The following FBN1 variants were observed in gnomAD, a reference collection of about 807,000 sequenced individuals.
The protein encoded by FBN1 is fibrillin 1.
A neutral mutation model predicts 365.1 loss-of-function variants in FBN1; 29 were observed. The observed-to-expected ratio is 0.08, with a 90% CI of 0.06 to 0.11. The LOEUF is 0.11. Among genes scored for constraint, FBN1 ranks in the 10% least tolerant of loss-of-function variants. The probability of loss-of-function intolerance (pLI) is 1.00; values close to 1 mark genes in which losing one functional copy is unlikely to be tolerated. For synonymous variants in FBN1, 1,210 were observed against 1,270.5 expected, an observed-to-expected ratio of 0.95 and a Z score of 1.01; for missense variants, 2,476 against 3,703.2, an observed-to-expected ratio of 0.67 and a Z score of 8.60.
chr15:48,529,260 G>A (rs1375265706), intron 8 of FBN1: 1 of 152,348 alleles, frequency 6.6e-6, no homozygotes, highest in Non-Finnish European at 1.5e-5. Context: ...GGGAGTAGCT[G>A]TCCCATGGTA....
chr15:48,515,489 C>T lies in FBN1; in HGVS notation c.1366G>A (p.Val456Ile), dbSNP rs2043793382. ...PVNVTDYCQL[V>I]RYLCQNGRCI... Reference sequence around the variant, plus strand: ...CGTCCATTTTGACAGAGATAGCGGACCAACTGGCAGTAATCAGTAACGTTT... The same window carrying T: ...CGTCCATTTTGACAGAGATAGCGGATCAACTGGCAGTAATCAGTAACGTTT... Residue 456 changes from valine to isoleucine, a missense_variant, in exon 12 of 66, where the codon GTC becomes ATC. Physicochemically the swap from Val to Ile is conservative, Grantham distance 29 (BLOSUM62 3). Transcript: ENST00000316623. 1 of 1,613,902 alleles carries T rather than the reference C, an allele frequency of 6.2e-7. No individual in the cohort carries two copies. The highest frequency in any genetic ancestry group is 1.7e-5 in the Admixed American group (1 of 59,994).
chr15:48,439,246 C>A (rs952737868), intron 50 of FBN1, among the ~76,000 whole-genome samples: 2 of 152,196 alleles, frequency 1.3e-5, no homozygotes, highest in Admixed American at 6.5e-5. Context: ...CCTGCTCAAC[C>A]TTTCATGGCT....
At chr15:48,433,095 T>C (rs1328279057) in intron 54 of FBN1, 107 bp from the exon 55 acceptor site, 3 of 1,208,612 alleles carry the variant, frequency 2.5e-6, no homozygotes, top group Non-Finnish European at 3.6e-6. Flanking sequence ...CAATGCTTCA[T>C]TGTCATAAAC....
intron 10 of FBN1, among the ~76,000 whole-genome samples, chr15:48,519,655 G>A (rs1037158290): frequency 3.5e-4 from 54 of 152,310 alleles, no homozygotes; most frequent in African/African-American, 1.2e-3. Context: ...AAGGATGGCA[G>A]GAGTAGGGAG....
In FBN1 at chr15:48,577,485, G is replaced by T. The variant is rs551925076; in HGVS notation, c.538+18798C>A. ...TAAACCACTGATTAATTCCAAGGGG[G>T]GGCATTCAAACATCTACCACCACTC... On this transcript the variant is annotated intron_variant, in intron 6 of 65. Coordinates refer to ENST00000316623, the MANE Select transcript of FBN1 (RefSeq NM_000138.5). 3.3e-5 allele frequency among the ~76,000 whole-genome samples: 5 copies of T among 151,908 alleles called. 1 individual carries two copies. In the South Asian group the frequency reaches 1.0e-3, roughly 32 times the overall value.
At chr15:48,474,441 A>C in intron 33 of FBN1, 64 bp from the exon 34 acceptor site, 3 of 1,610,908 alleles carry the variant, frequency 1.9e-6, no homozygotes, top group Non-Finnish European at 2.5e-6. Flanking sequence ...ATAATACACA[A>C]ATTAAAATAA....
At chr15:48,617,914 T>G (rs1466447411) in intron 2 of FBN1, among the ~76,000 whole-genome samples, 1 of 152,196 alleles carries the variant, frequency 6.6e-6, no homozygotes, top group Non-Finnish European at 1.5e-5. Flanking sequence ...AAACTCCTTT[T>G]CAGAAAAGGT....
At chr15:48,506,555 TA>T (rs1173868875) in intron 15 of FBN1, among the ~76,000 whole-genome samples, 1 of 152,252 alleles carries the variant, frequency 6.6e-6, no homozygotes, top group African/African-American at 2.4e-5. Flanking sequence ...AAAGGGTTTT[TA>T]ATAAGAACGG....
intron 2 of FBN1, among the ~76,000 whole-genome samples, chr15:48,631,305 C>T (rs552279238): frequency 1.6e-3 from 242 of 152,278 alleles, no homozygotes; most frequent in African/African-American, 5.6e-3. Context: ...AGGAAGGGAA[C>T]GCTCAACTAG....
chr15:48,457,467 A>T (rs1178109215), intron 43 of FBN1, among the ~76,000 whole-genome samples: 1 of 152,096 alleles, frequency 6.6e-6, no homozygotes, highest in East Asian at 1.9e-4. Context: ...TGTGTTGGTG[A>T]GCACTAAAAC....
At chr15:48,541,557 T>G (rs1293138018) in intron 6 of FBN1, among the ~76,000 whole-genome samples, 2 of 152,252 alleles carry the variant, frequency 1.3e-5, no homozygotes, top group African/African-American at 4.8e-5. Context: ...TTTGGCGGCA[T>G]GTGCTTTTCG....
intron 5 of FBN1, among the ~76,000 whole-genome samples, chr15:48,597,871 A>G (rs1301793489): frequency 6.6e-6 from 1 of 152,204 alleles, no homozygotes; most frequent in Non-Finnish European, 1.5e-5. Context: ...AAGTTTAGGA[A>G]AAGTTTTCTA....
chr15:48,529,186 C>G (rs1388774516), intron 8 of FBN1: 2 of 152,274 alleles, frequency 1.3e-5, no homozygotes, highest in Non-Finnish European at 2.9e-5. Flanking sequence ...CTGGGAAGAG[C>G]TATTTCCGTG....
At chr15:48,466,621 G>A (rs1391070423) in intron 38 of FBN1, among the ~76,000 whole-genome samples, 1 of 152,080 alleles carries the variant, frequency 6.6e-6, no homozygotes, top group Non-Finnish European at 1.5e-5. Flanking sequence ...GCTAATCCCT[G>A]TCCTGGCTCC....
At chr15:48,530,179 C>T (rs1020769855) in intron 8 of FBN1, among the ~76,000 whole-genome samples, 13 of 139,322 alleles carry the variant, frequency 9.3e-5, no homozygotes, top group Non-Finnish European at 1.6e-4. Flanking sequence ...CTGCATCCGC[C>T]GCCTCATCAC....
At chr15:48,545,941 C>T (rs928786809) in intron 6 of FBN1, among the ~76,000 whole-genome samples, 5 of 151,994 alleles carry the variant, frequency 3.3e-5, no homozygotes, top group African/African-American at 1.2e-4. Context: ...GTGAGGATCG[C>T]TTGCCGTAGT....
Position 48,601,967 on chromosome 15 carries a change from T to G in FBN1, c.347-1733A>C, listed in dbSNP as rs146452330. On this transcript the variant is annotated intron_variant, in intron 4 of 65. Transcript: ENST00000316623. ...TCCTTGGCACATGCCCACTATGTCC[T>G]ATGACTCCATCCCCTGATCTACTTA... Among the ~76,000 whole-genome samples, 1,088 of 152,332 alleles carry G rather than the reference T, an allele frequency of 7.1e-3. 18 individuals are homozygous for G. The highest frequency in any genetic ancestry group is 0.025 in the African/African-American group (1,043 of 41,574).
At chr15:48,574,441 C>A (rs2044329601) in intron 6 of FBN1, among the ~76,000 whole-genome samples, 1 of 152,136 alleles carries the variant, frequency 6.6e-6, no homozygotes, top group African/African-American at 2.4e-5. Flanking sequence ...AAAAGGTCTG[C>A]TGCTTCCAGG....
intron 2 of FBN1, among the ~76,000 whole-genome samples, chr15:48,640,274 T>C (rs1168987877): frequency 6.6e-6 from 1 of 152,216 alleles, no homozygotes; most frequent in African/African-American, 2.4e-5. Context: ...TCTTGTTTCA[T>C]GTGTGGAATT....
Sources: allele counts gnomAD v4.1 joint callset (sites outside exome capture counted in the v4.1 genomes callset), GRCh38; gene constraint gnomAD v4.1.1; transcripts MANE v1.5; gene names NCBI Gene and HGNC (gene_info 2026-07-23, HGNC 2026-07-21).